ERO1B: variants seen among roughly 807,000 people sequenced by gnomAD.
ERO1B encodes the protein ERO1-like protein beta.
In ERO1B, 49 loss-of-function variants were observed where a neutral mutation model predicts 75.3. That is an observed-to-expected ratio of 0.65 (90% CI 0.52 to 0.83). ERO1B has a LOEUF of 0.83. ERO1B is among the 40% of genes least tolerant of loss of function. ERO1B has a pLI of 0.00. For missense variants in ERO1B, 512 were observed against 560.1 expected, an observed-to-expected ratio of 0.91 and a Z score of 0.87; for synonymous variants, 191 against 192.9, an observed-to-expected ratio of 0.99 and a Z score of 0.08.
At position 236,217,627 on chromosome 1, in the gene ERO1B, C is replaced by A. The variant is rs969731305; in HGVS notation, c.*889G>T. The stretch of plus-strand genomic sequence containing the variant: ...AATTGGCATTATAAATTCATATAAT[C>A]CCATTTAAATTTTATCAAGAAGTAA... On this transcript the variant is annotated 3_prime_UTR_variant, in exon 16 of 16. Transcript: ENST00000354619. 6.6e-6 allele frequency: 1 copy of A among 152,496 alleles called. No homozygotes were observed. Among genetic ancestry groups the A allele is most frequent in the Non-Finnish European group, 1.5e-5 (1 of 67,990 alleles). 9.4% of individuals were successfully genotyped at this position (152,496 alleles called of 1,614,324 possible).
At chr1:236,229,082 C>T (rs926350721) in intron 10 of ERO1B, among the ~76,000 whole-genome samples, 1 of 152,106 alleles carries the variant, frequency 6.6e-6, no homozygotes, top group African/African-American at 2.4e-5. Context: ...ATTTGCACAT[C>T]AATAATGTTC....
At chr1:236,247,558 G>A (rs935739770) in intron 5 of ERO1B, among the ~76,000 whole-genome samples, 3 of 152,100 alleles carry the variant, frequency 2.0e-5, no homozygotes, top group African/African-American at 7.2e-5. Flanking sequence ...CACGTAATAA[G>A]GCTTCTGCAA....
intron 1 of ERO1B, among the ~76,000 whole-genome samples, chr1:236,275,573 G>A (rs1023122524): frequency 3.3e-5 from 5 of 152,228 alleles, no homozygotes; most frequent in South Asian, 2.1e-4. Flanking sequence ...GAGTTCTTAC[G>A]GAGCTAAATC....
At position 236,255,986 on chromosome 1, in the gene ERO1B, T is replaced by C. The variant is rs1665149837; in HGVS notation, c.223-2481A>G. Among the ~76,000 whole-genome samples the C allele has an allele frequency of 2.0e-5, 3 of 152,372 alleles. No individual in the cohort carries two copies. The South Asian group carries it at 6.2e-4, about 32-fold the overall frequency. The stretch of plus-strand genomic sequence containing the variant: ...CTTTTCCAGCAACTCCCTGAGGCTC[T>C]GGCCTCTAACAAGCCAGTATCTGGG... On this transcript the variant is annotated intron_variant, in intron 2 of 15. Coordinates refer to ENST00000354619, the MANE Select transcript of ERO1B (RefSeq NM_019891.4).
rs568924092 is a variant in ERO1B, at chr1:236,276,704, A to G, written c.102+4978T>C. Among the ~76,000 whole-genome samples the G allele has an allele frequency of 2.0e-5, 3 of 152,364 alleles. No homozygotes were observed. In the South Asian group the frequency reaches 6.2e-4, roughly 32 times the overall value. On this transcript the variant is annotated intron_variant, in intron 1 of 15. Transcript: ENST00000354619. ...AAATAGAAGAACCAGCAAAGGAAGAATAAATTAAATCTAACTCTTGAATTT... is the reference window on the plus strand; with the variant it reads ...AAATAGAAGAACCAGCAAAGGAAGAGTAAATTAAATCTAACTCTTGAATTT...
At chr1:236,266,773 T>C (rs960310621) in intron 2 of ERO1B, among the ~76,000 whole-genome samples, 2 of 152,182 alleles carry the variant, frequency 1.3e-5, no homozygotes, top group African/African-American at 2.4e-5. Context: ...AAAAGAGGCA[T>C]AGATATCACC....
At position 236,253,605 on chromosome 1, in the gene ERO1B, A is replaced by C; in HGVS notation, c.223-100T>G. ...ACCAGTGACATGGTGGTGAATAAGA[A>C]GGAATACTTCCTATCCTCGTGGCAC... On this transcript the variant is annotated intron_variant, in intron 2 of 15. Transcript: ENST00000354619. The C allele has an allele frequency of 4.0e-6, 3 of 754,170 alleles. No individual in the cohort carries two copies. The South Asian group carries it at 4.8e-5, about 12-fold the overall frequency. 46.7% of individuals were successfully genotyped at this position (754,170 alleles called of 1,614,324 possible). A position where few individuals can be genotyped will look rare whatever the true frequency, so the allele number is the denominator to read the frequency against.
In ERO1B at chr1:236,217,241, T is replaced by C. The variant is rs893090888; in HGVS notation, c.*1275A>G. The C allele has an allele frequency of 6.6e-6, 1 of 152,112 alleles. No individual in the cohort carries two copies. Among genetic ancestry groups the C allele is most frequent in the African/African-American group, 2.4e-5 (1 of 41,450 alleles). 9.4% of individuals were successfully genotyped at this position (152,112 alleles called of 1,614,324 possible). On this transcript the variant is annotated 3_prime_UTR_variant, in exon 16 of 16. Transcript: ENST00000354619. Reference sequence around the variant, plus strand: ...ACTCTAGATCTTGTACCTGCATTACTTCTACACAGATGCAATCTTCCAAAT... The same window carrying C: ...ACTCTAGATCTTGTACCTGCATTACCTCTACACAGATGCAATCTTCCAAAT...
At chr1:236,236,474 G>T in intron 6 of ERO1B, 76 bp from the exon 7 acceptor site, 2 of 1,511,166 alleles carry the variant, frequency 1.3e-6, no homozygotes, top group Non-Finnish European at 1.8e-6. Flanking sequence ...AAGCAAACCG[G>T]ACTACTCAAA....
At chr1:236,237,730 A>G (rs1051045260) in intron 6 of ERO1B, among the ~76,000 whole-genome samples, 1 of 152,208 alleles carries the variant, frequency 6.6e-6, no homozygotes, top group Non-Finnish European at 1.5e-5. Flanking sequence ...ACCTGATGGT[A>G]TATTTTCCTG....
chr1:236,230,186 T>A (rs751860843), intron 10 of ERO1B, 38 bp downstream of exon 10: 4 of 1,507,890 alleles, frequency 2.7e-6, no homozygotes, highest in Non-Finnish European at 3.7e-6. Context: ...CAGTATTTTT[T>A]AACAAAAAAT....
chr1:236,264,993 A>C (rs761543676), intron 2 of ERO1B, among the ~76,000 whole-genome samples: 5 of 152,140 alleles, frequency 3.3e-5, no homozygotes, highest in Non-Finnish European at 7.4e-5. Flanking sequence ...GTACCCCTTA[A>C]ATTTATACAC....
At position 236,236,318 on chromosome 1, in the gene ERO1B, A is replaced by T; in HGVS notation, c.586T>A (p.Trp196Arg). 3 of 1,613,182 alleles carry T rather than the reference A, an allele frequency of 1.9e-6. No individual in the cohort carries two copies. The highest frequency in any genetic ancestry group is 2.2e-5 in the South Asian group (2 of 91,056). Reference protein sequence around the residue: ...RYTGYKGTSAWRVWNSIYEEN... With the variant: ...RYTGYKGTSARRVWNSIYEEN... ...TCATAGATGCTGTTCCACACTCTCCATGCAGAGGTCCCTTTATAGCCAGTG... is the reference window on the plus strand; with the variant it reads ...TCATAGATGCTGTTCCACACTCTCCTTGCAGAGGTCCCTTTATAGCCAGTG... Residue 196 changes from tryptophan (W) to arginine (R), a missense_variant, in exon 7 of 16, where the codon TGG becomes AGG. Physicochemically the swap from Trp to Arg is moderately radical, Grantham distance 101 (BLOSUM62 -3). Transcript: ENST00000354619.
chr1:236,233,499 T>C (rs1664466258), intron 8 of ERO1B, among the ~76,000 whole-genome samples: 1 of 147,924 alleles, frequency 6.8e-6, no homozygotes, highest in South Asian at 2.1e-4. Flanking sequence ...CTCAGGAGGC[T>C]GAGGCAGAGA....
intron 9 of ERO1B, among the ~76,000 whole-genome samples, chr1:236,231,160 A>G (rs12562162): frequency 0.068 from 10,387 of 152,220 alleles, 740 homozygotes; most frequent in East Asian, 0.39. Flanking sequence ...AAGACTAATA[A>G]GTTTTAAGGG....
At chr1:236,263,778 C>CTTTT in intron 2 of ERO1B, among the ~76,000 whole-genome samples, 5 of 80,298 alleles carry the variant, frequency 6.2e-5, no homozygotes, top group Non-Finnish European at 1.0e-4. Flanking sequence ...ATTTTGTTTG[C>CTTTT]TTTTTTTTTT....
intron 6 of ERO1B, among the ~76,000 whole-genome samples, chr1:236,239,971 C>T (rs1664658087): frequency 6.9e-6 from 1 of 145,834 alleles, no homozygotes; most frequent in Non-Finnish European, 1.5e-5. Context: ...ATGGCATGGT[C>T]TCAGCTCAAT....
At chr1:236,255,279 C>G (rs1252826994) in intron 2 of ERO1B, among the ~76,000 whole-genome samples, 1 of 151,960 alleles carries the variant, frequency 6.6e-6, no homozygotes, top group Non-Finnish European at 1.5e-5. Flanking sequence ...ATTATTGCTC[C>G]TCCAGATCTT....
intron 7 of ERO1B, 124 bp from the exon 8 acceptor site, chr1:236,235,959 T>TA (rs2102945796): frequency 2.4e-6 from 2 of 841,946 alleles, no homozygotes; most frequent in South Asian, 1.8e-5. Context: ...GAGTTTCACT[T>TA]AGTCACCCAG....
Sources: allele counts gnomAD v4.1 joint callset (sites outside exome capture counted in the v4.1 genomes callset), GRCh38; gene constraint gnomAD v4.1.1; transcripts MANE v1.5; gene names NCBI Gene and HGNC (gene_info 2026-07-23, HGNC 2026-07-21).